Variants in TPR observed in about 807,000 individuals in gnomAD.
The protein encoded by TPR is nucleoprotein TPR.
A neutral mutation model predicts 316.1 loss-of-function variants in TPR; 51 were observed. The ratio of observed to expected loss-of-function variants is 0.16; its 90% CI spans 0.13 to 0.20. The LOEUF (loss-of-function observed/expected upper bound fraction) is 0.20. TPR is among the 10% of genes least tolerant of loss of function. The pLI, the probability that TPR is intolerant of heterozygous loss-of-function variation, is 1.00. For synonymous variants in TPR, 981 were observed against 914.7 expected, an observed-to-expected ratio of 1.07 and a Z score of -1.31; for missense variants, 2,272 against 2,754.8, an observed-to-expected ratio of 0.82 and a Z score of 3.92.
chr1:186,329,275 G>A (rs1382363552), intron 39 of TPR, among the ~76,000 whole-genome samples: 2 of 152,102 alleles, frequency 1.3e-5, no homozygotes, highest in South Asian at 2.1e-4. Flanking sequence ...AAATTGTTAT[G>A]TTCTTCAGAA....
At chr1:186,324,824 G>GGA (rs1212711712) in intron 42 of TPR, among the ~76,000 whole-genome samples, 4 of 151,862 alleles carry the variant, frequency 2.6e-5, no homozygotes, top group Middle Eastern at 3.4e-3. Context: ...AGGAAGGAAG[G>GGA]GAGGGAGGGA....
intron 31 of TPR, 126 bp downstream of exon 31, chr1:186,337,892 GAACTAATCTTAAATA>G: frequency 1.4e-6 from 1 of 724,108 alleles, no homozygotes; most frequent in East Asian, 3.0e-5. Flanking sequence ...ACATATTAAA[GAACTAATCTTAAATA>G]AAGATATCAT....
chr1:186,349,322 C>A (rs1200097913), intron 21 of TPR, among the ~76,000 whole-genome samples: 1 of 152,186 alleles, frequency 6.6e-6, no homozygotes, highest in African/African-American at 2.4e-5. Flanking sequence ...ATCAGAAAGT[C>A]TGCATACAAT....
intron 3 of TPR, among the ~76,000 whole-genome samples, chr1:186,368,770 G>A (rs1659418897): frequency 6.6e-6 from 1 of 152,076 alleles, no homozygotes; most frequent in East Asian, 1.9e-4. Context: ...ATGTAGTTCC[G>A]TTTATTTCTT....
chr1:186,363,030 C>T (rs1571635991), intron 5 of TPR, 29 bp from the exon 6 acceptor site: 3 of 1,575,322 alleles, frequency 1.9e-6, no homozygotes, highest in Non-Finnish European at 1.7e-6. Context: ...ATAACACGTA[C>T]AGTTAAAGAT....
intron 39 of TPR, among the ~76,000 whole-genome samples, chr1:186,330,421 A>T (rs1486682027): frequency 6.6e-6 from 1 of 152,084 alleles, no homozygotes; most frequent in African/African-American, 2.4e-5. Context: ...GGCTGCGCAC[A>T]AACTGTCTTT....
At chr1:186,340,909 C>A (rs1658490919) in intron 29 of TPR, 119 bp downstream of exon 29, 1 of 1,271,762 alleles carries the variant, frequency 7.9e-7, no homozygotes, top group African/African-American at 1.5e-5. Flanking sequence ...ACATAATAGA[C>A]TTTCACTAAT....
intron 45 of TPR, among the ~76,000 whole-genome samples, 196 bp from the exon 46 acceptor site, chr1:186,320,614 T>C (rs1273048361): frequency 6.6e-6 from 1 of 152,226 alleles, no homozygotes; most frequent in Non-Finnish European, 1.5e-5. Context: ...TCAATGAATT[T>C]AGTAATAAGA....
intron 38 of TPR, 21 bp downstream of exon 38, chr1:186,332,174 C>T (rs759883342): frequency 2.5e-6 from 4 of 1,588,822 alleles, no homozygotes; most frequent in East Asian, 2.3e-5. Flanking sequence ...AGTTAAAATA[C>T]ACAGAAAGAA....
chr1:186,364,636 G>A (rs1659283554), intron 4 of TPR, among the ~76,000 whole-genome samples: 1 of 152,118 alleles, frequency 6.6e-6, no homozygotes, highest in East Asian at 1.9e-4. Flanking sequence ...GCCAGTAAAG[G>A]ATGGTTTGAT....
In TPR at chr1:186,313,697, T is replaced by C. The variant is rs141140667; in HGVS notation, c.*274A>G. The C allele has an allele frequency of 1.9e-6, 3 of 1,602,240 alleles. No homozygotes were observed. In the African/African-American group the frequency reaches 4.0e-5, roughly 21 times the overall value. ...TCCATTTAGATCAATACTATAACAT[T>C]GATGTGCCTAGTAGAACAGCAAGAG... On this transcript the variant is annotated 3_prime_UTR_variant, in exon 51 of 51. Coordinates refer to ENST00000367478, the MANE Select transcript of TPR (RefSeq NM_003292.3).
intron 17 of TPR, 25 bp from the exon 18 acceptor site, chr1:186,353,875 A>G: frequency 6.2e-7 from 1 of 1,602,954 alleles, no homozygotes; most frequent in Non-Finnish European, 8.5e-7. Context: ...GTAATTCTAC[A>G]AGTAACTGAA....
At position 186,313,978 on chromosome 1, in the gene TPR, A is replaced by G. The variant is rs181194443; in HGVS notation, c.7085T>C (p.Ile2362Thr). Reference sequence around the variant, plus strand: ...TTATTGTTTACAGACCATTTAATTAATATTTCCTCTGTTTATTCCTCCTCT... The same window carrying G: ...TTATTGTTTACAGACCATTTAATTAGTATTTCCTCTGTTTATTCCTCCTCT... ...GGRGGINRGNIN is the reference protein window; with the variant it reads ...GGRGGINRGNTN Residue 2362 changes from isoleucine (I) to threonine (T), a missense_variant, in exon 51 of 51, where the codon ATT (isoleucine) becomes ACT (threonine). Coordinates refer to ENST00000367478, the MANE Select transcript of TPR (RefSeq NM_003292.3). 1 of 1,611,706 alleles carries G rather than the reference A, an allele frequency of 6.2e-7. No individual in the cohort carries two copies. The highest frequency in any genetic ancestry group is 1.3e-5 in the African/African-American group (1 of 74,900).
chr1:186,324,195 TTAGCTCGACC>T (rs1657850822), intron 42 of TPR, among the ~76,000 whole-genome samples: 1 of 152,090 alleles, frequency 6.6e-6, no homozygotes, highest in African/African-American at 2.4e-5. Context: ...CATAAAGCTC[TTAGCTCGACC>T]TATGATAAAC....
intron 27 of TPR, 112 bp downstream of exon 27, chr1:186,343,214 T>C: frequency 1.5e-6 from 2 of 1,366,006 alleles, no homozygotes; most frequent in Non-Finnish European, 2.0e-6. Flanking sequence ...TTTACAAGTT[T>C]AGAAGAATGC....
chr1:186,355,950 T>C (rs1275860604), intron 15 of TPR, among the ~76,000 whole-genome samples, 182 bp from the exon 16 acceptor site: 1 of 152,216 alleles, frequency 6.6e-6, no homozygotes, highest in Non-Finnish European at 1.5e-5. Flanking sequence ...GATTTTTTGA[T>C]GGTTATTAGA....
Position 186,337,197 on chromosome 1 carries a change from T to G in TPR, c.4363-41A>C, listed in dbSNP as rs374027419. ...GTAATAATACACTCACATATTTATA[T>G]TCAGTAATTCCATTTCTGCAAGTTT... On this transcript the variant is annotated intron_variant, in intron 31 of 50. Transcript: ENST00000367478. 3 of 1,552,382 alleles carry G rather than the reference T, an allele frequency of 1.9e-6. No individual in the cohort carries two copies. In the African/African-American group the frequency reaches 4.1e-5, roughly 21 times the overall value.
At chr1:186,365,811 C>CA (rs1329759057) in intron 4 of TPR, among the ~76,000 whole-genome samples, 4 of 152,046 alleles carry the variant, frequency 2.6e-5, no homozygotes, top group East Asian at 1.9e-4. Flanking sequence ...GTGGATATGG[C>CA]AAAAAAAGTG....
In TPR at chr1:186,333,364, A is replaced by G; in HGVS notation, c.5213T>C (p.Val1738Ala). Residue 1738 changes from valine (V) to alanine (A), a missense_variant, in exon 37 of 51, where the codon GTT (valine) becomes GCT (alanine). By Grantham distance (64) the Val-to-Ala change is moderately conservative. Around this residue, in one of 10 missense-constraint regions of TPR, gnomAD observed 435 missense variants for 461.1 expected, o/e 0.94. Coordinates refer to ENST00000367478, the MANE Select transcript of TPR (RefSeq NM_003292.3). ...TCCACTTGTGCTTCCAAAAACTGGA[A>G]CATGTTCCACAGGCCCTTCTGACTG... Reference protein sequence around the residue: ...AMQSEGPVEHVPVFGSTSGSV... With the variant: ...AMQSEGPVEHAPVFGSTSGSV... 6.2e-7 allele frequency: 1 copy of G among 1,613,506 alleles called. No homozygotes were observed. Among genetic ancestry groups the G allele is most frequent in the Non-Finnish European group, 8.5e-7 (1 of 1,179,590 alleles).
Sources: gnomAD v4.1 joint callset for allele counts (sites outside exome capture counted in the v4.1 genomes callset) on GRCh38, gnomAD v4.1.1 for gene constraint, gnomAD v4.1.1 regional missense constraint, MANE v1.5 for transcripts, NCBI Gene and HGNC (gene_info 2026-07-23, HGNC 2026-07-21) for gene names.